Variants in PITPNA observed in about 807,000 individuals in gnomAD.
The protein encoded by PITPNA is phosphatidylinositol transfer protein alpha.
Under a neutral mutation model 50.3 loss-of-function variants are expected in PITPNA, and 13 were observed. That is an observed-to-expected ratio of 0.26 (90% CI 0.17 to 0.41). PITPNA has a LOEUF of 0.41. PITPNA is among the 10% of genes least tolerant of loss of function. PITPNA has a pLI of 1.00. For synonymous variants in PITPNA, 120 were observed against 119.6 expected (o/e 1.00, Z -0.02); for missense variants, 207 against 333.4 (o/e 0.62, Z 2.95).
chr17:1,560,387 ATGCCCT>A, intron 1 of PITPNA, among the ~76,000 whole-genome samples: 1 of 72,006 alleles, frequency 1.4e-5, no homozygotes, highest in African/African-American at 8.0e-5. Context: ...AGTGTCTCGG[ATGCCCT>A]GATGCCCCTG....
At chr17:1,543,060 GA>G in intron 4 of PITPNA, 33 bp from the exon 5 acceptor site, 1 of 1,551,248 alleles carries the variant, frequency 6.4e-7, no homozygotes, top group Non-Finnish European at 8.7e-7. Context: ...AAAGAAGAGA[GA>G]AAAAGATTAA....
At chr17:1,524,343 C>CT (rs398041515) in intron 10 of PITPNA, among the ~76,000 whole-genome samples, 4,508 of 120,872 alleles carry the variant, frequency 0.037, 267 homozygotes, top group African/African-American at 0.11. Context: ...CGCACCTGGC[C>CT]TTTTTTTTTT....
chr17:1,528,252 T>G (rs1355763657), intron 10 of PITPNA, among the ~76,000 whole-genome samples: 1 of 152,180 alleles, frequency 6.6e-6, no homozygotes, highest in Non-Finnish European at 1.5e-5. Context: ...GCGATTCTCC[T>G]GTCTCAGCCT....
intron 4 of PITPNA, among the ~76,000 whole-genome samples, chr17:1,546,078 C>A (rs994487900): frequency 6.6e-6 from 1 of 151,932 alleles, no homozygotes; most frequent in Non-Finnish European, 1.5e-5. Context: ...CAGGCATGCA[C>A]CACCATGCCC....
chr17:1,531,910 T>G (rs118131268), intron 10 of PITPNA, among the ~76,000 whole-genome samples: 2,657 of 125,902 alleles, frequency 0.021, 35 homozygotes, highest in Middle Eastern at 0.061. Context: ...CCTGCACAGT[T>G]GCTGAAGAGA....
chr17:1,526,313 A>C (rs1030454752), intron 10 of PITPNA, among the ~76,000 whole-genome samples: 2 of 152,242 alleles, frequency 1.3e-5, no homozygotes, highest in Non-Finnish European at 2.9e-5. Context: ...GAAGTTCAGG[A>C]AAACTGAGGA....
intron 10 of PITPNA, among the ~76,000 whole-genome samples, chr17:1,525,106 C>CA (rs1280771134): frequency 1.3e-5 from 2 of 151,980 alleles, no homozygotes; most frequent in African/African-American, 4.8e-5. Flanking sequence ...TCTTCTGCCT[C>CA]AGCCTCCTGA....
intron 4 of PITPNA, among the ~76,000 whole-genome samples, chr17:1,544,339 T>C (rs2075662523): frequency 6.6e-6 from 1 of 152,258 alleles, no homozygotes; most frequent in East Asian, 1.9e-4. Flanking sequence ...TGTAACTTCA[T>C]AGACTGGCGC....
At chr17:1,539,369 G>A (rs1199299546) in intron 6 of PITPNA, among the ~76,000 whole-genome samples, 1 of 151,678 alleles carries the variant, frequency 6.6e-6, no homozygotes, top group African/African-American at 2.4e-5. Flanking sequence ...TGATCCTCCT[G>A]TCACAGCCTC....
At chr17:1,524,035 TTTC>T (rs1195743984) in intron 10 of PITPNA, among the ~76,000 whole-genome samples, 2 of 122,690 alleles carry the variant, frequency 1.6e-5, no homozygotes, top group African/African-American at 6.2e-5. Context: ...CCTCAGTTTT[TTTC>T]TTTTTTCTTT....
intron 7 of PITPNA, among the ~76,000 whole-genome samples, chr17:1,537,594 C>T (rs2151007201): frequency 6.6e-6 from 1 of 152,326 alleles, no homozygotes; most frequent in South Asian, 2.1e-4. Flanking sequence ...TGACAAAATA[C>T]TCAAAGAATC....
chr17:1,557,282 G>A (rs1298776323), intron 2 of PITPNA, among the ~76,000 whole-genome samples: 2 of 152,190 alleles, frequency 1.3e-5, no homozygotes, highest in South Asian at 2.1e-4. Flanking sequence ...CACCCCTCTC[G>A]GGGGCCAACA....
At chr17:1,526,195 C>T (rs1172418611) in intron 10 of PITPNA, among the ~76,000 whole-genome samples, 1 of 152,240 alleles carries the variant, frequency 6.6e-6, no homozygotes, top group Non-Finnish European at 1.5e-5. Context: ...ATTCAGGCTT[C>T]AAGTACACAC....
At position 1,542,973 on chromosome 17, in the gene PITPNA, T is replaced by C. The variant is rs768191665; in HGVS notation, c.297+47A>G. 54 of 1,487,334 alleles carry C rather than the reference T, an allele frequency of 3.6e-5. 1 individual carries two copies. Among genetic ancestry groups the C allele is most frequent in the Non-Finnish European group, 4.8e-5 (52 of 1,082,346 alleles). The allele number at this position is 1,487,334 out of a possible 1,614,324, so 92.1% of individuals were successfully genotyped here. On this transcript the variant is annotated intron_variant, in intron 5 of 11. Coordinates refer to ENST00000313486, the MANE Select transcript of PITPNA (RefSeq NM_006224.4). ...AGTGCAGTTACATTTTTCTCTCTCC[T>C]GTTCTTATACATCATCTACAGTTCC... is the stretch of plus-strand genomic sequence containing the variant.
intron 6 of PITPNA, among the ~76,000 whole-genome samples, chr17:1,540,902 G>GT (rs1478310750): frequency 6.6e-6 from 1 of 151,958 alleles, no homozygotes; most frequent in African/African-American, 2.4e-5. Context: ...CTCTTATGTT[G>GT]TTTTTTTGTT....
At chr17:1,560,400 C>G (rs983740074) in intron 1 of PITPNA, among the ~76,000 whole-genome samples, 1 of 150,194 alleles carries the variant, frequency 6.7e-6, no homozygotes, top group Non-Finnish European at 1.5e-5. Flanking sequence ...CCCTGATGCC[C>G]CTGCTCCTCC....
chr17:1,528,136 C>A (rs1567576064), intron 10 of PITPNA, among the ~76,000 whole-genome samples: 1 of 151,812 alleles, frequency 6.6e-6, no homozygotes, highest in Non-Finnish European at 1.5e-5. Context: ...GGCTGCCATA[C>A]TCCAGCCTAG....
intron 3 of PITPNA, among the ~76,000 whole-genome samples, chr17:1,552,502 G>A (rs1262442486): frequency 6.6e-6 from 1 of 152,182 alleles, no homozygotes; most frequent in Non-Finnish European, 1.5e-5. Flanking sequence ...GATCCAAAGA[G>A]AGGTACCAAA....
rs1804173 is a variant in PITPNA, at chr17:1,534,122, C to A, written c.745G>T (p.Glu249Ter). ...TMDDIRRMEE[E>*]TKRQLDEMRQ... Reference sequence around the variant, plus strand: ...ACTTCATCCAGCTGTCTCTTCGTCTCTTCTTCCATCCTTCGAATGTCGTCC... The same window carrying A: ...ACTTCATCCAGCTGTCTCTTCGTCTATTCTTCCATCCTTCGAATGTCGTCC... The change falls in exon 10 of 12, where the codon GAG (glutamate) becomes TAG (stop). Residue 249 changes from glutamate (E) to a stop codon, truncating the protein, a stop_gained. Transcript: ENST00000313486. LOFTEE classifies it high-confidence loss of function. The A allele has an allele frequency of 6.2e-7, 1 of 1,613,916 alleles. No individual in the cohort carries two copies. Among genetic ancestry groups the A allele is most frequent in the Non-Finnish European group, 8.5e-7 (1 of 1,179,816 alleles).
Sources: gnomAD v4.1 joint callset for allele counts (sites outside exome capture counted in the v4.1 genomes callset) on GRCh38, gnomAD v4.1.1 for gene constraint, MANE v1.5 for transcripts, NCBI Gene and HGNC (gene_info 2026-07-23, HGNC 2026-07-21) for gene names.